Variants in METTL24 observed in about 807,000 individuals in gnomAD.
METTL24 encodes the protein methyltransferase like 24.
Under a neutral mutation model 32.7 loss-of-function variants are expected in METTL24, and 29 were observed. The ratio of observed to expected loss-of-function variants is 0.89; its 90% CI spans 0.66 to 1.21. The LOEUF is 1.21. Ranked by LOEUF, METTL24 falls within the 50% of genes most tolerant of loss-of-function variation. The pLI, the probability that METTL24 is intolerant of heterozygous loss-of-function variation, is 0.00. For synonymous variants in METTL24, 163 were observed against 179.5 expected (o/e 0.91, Z 0.73); for missense variants, 439 against 468.1 (o/e 0.94, Z 0.57).
In METTL24 at chr6:110,265,573, CAT is replaced by C. The variant is rs199510429; in HGVS notation, c.787-19315_787-19314del. Among the ~76,000 whole-genome samples the C allele has an allele frequency of 7.9e-3, 1,201 of 152,248 alleles. 15 individuals are homozygous for C. The highest frequency in any genetic ancestry group is 0.027 in the African/African-American group (1,127 of 41,538). ...AGCAATAAGATATAAGTAAAAGTGT[CAT>C]GTGGGATTTCTAGAAAGTTTCCTTA... On this transcript the variant is annotated intron_variant, in intron 4 of 4. Coordinates refer to ENST00000338882, the MANE Select transcript of METTL24 (RefSeq NM_001123364.3).
At chr6:110,260,509 G>T (rs1009633471) in intron 4 of METTL24, among the ~76,000 whole-genome samples, 1 of 152,142 alleles carries the variant, frequency 6.6e-6, no homozygotes, top group African/African-American at 2.4e-5. Flanking sequence ...TGAAAGTGAC[G>T]GGGAGAATGC....
chr6:110,271,768 T>C (rs1160502112), intron 4 of METTL24, among the ~76,000 whole-genome samples: 1 of 152,220 alleles, frequency 6.6e-6, no homozygotes, highest in Non-Finnish European at 1.5e-5. Flanking sequence ...AAAGTATTTA[T>C]TCAGTGTTAT....
chr6:110,326,627 T>C (rs1177572719), intron 1 of METTL24, among the ~76,000 whole-genome samples: 1 of 152,196 alleles, frequency 6.6e-6, no homozygotes, highest in African/African-American at 2.4e-5. Context: ...AAAAAGTCTA[T>C]TTACAAAGGT....
intron 2 of METTL24, 66 bp downstream of exon 2, chr6:110,322,705 CCTT>C (rs1771948907): frequency 3.0e-6 from 4 of 1,345,714 alleles, no homozygotes; most frequent in Middle Eastern, 1.9e-4. Flanking sequence ...TCCCCCACCT[CCTT>C]CTTTCAAAAG....
intron 4 of METTL24, among the ~76,000 whole-genome samples, chr6:110,276,467 A>G (rs965139003): frequency 6.6e-6 from 1 of 152,154 alleles, no homozygotes; most frequent in Non-Finnish European, 1.5e-5. Flanking sequence ...AAACAAACAA[A>G]AAACATTACA....
At chr6:110,334,458 G>A (rs935443182) in intron 1 of METTL24, among the ~76,000 whole-genome samples, 2 of 152,256 alleles carry the variant, frequency 1.3e-5, no homozygotes, top group African/African-American at 4.8e-5. Flanking sequence ...GCCACACGTG[G>A]CACAGGACAT....
chr6:110,286,408 T>C (rs1213161161), intron 4 of METTL24, among the ~76,000 whole-genome samples: 1 of 152,128 alleles, frequency 6.6e-6, no homozygotes, highest in Non-Finnish European at 1.5e-5. Flanking sequence ...ATCTCTGGGG[T>C]TGGTCCTGCC....
chr6:110,263,633 G>T (rs566438827), intron 4 of METTL24, among the ~76,000 whole-genome samples: 1 of 152,014 alleles, frequency 6.6e-6, no homozygotes, highest in Admixed American at 6.6e-5. Flanking sequence ...TAAAGTTCAT[G>T]TGGAACCAAA....
Position 110,263,123 on chromosome 6 carries a change from A to G in METTL24, c.787-16863T>C, listed in dbSNP as rs563980187. Among the ~76,000 whole-genome samples, 28 of 152,342 alleles carry G rather than the reference A, an allele frequency of 1.8e-4. No homozygotes were observed. In the South Asian group the frequency reaches 4.8e-3, roughly 26 times the overall value. On this transcript the variant is annotated intron_variant, in intron 4 of 4. Transcript: ENST00000338882. ...TAGTGTTGGAAGTTCTGGCCAGGGC[A>G]ATCAGGCAGGAGAAGGAAATAAAGG...
rs762158554 is a variant in METTL24, at chr6:110,245,968, C to T, written c.1079G>A (p.Trp360Ter). Reference sequence around the variant, plus strand: ...ATCCTATTTCCATCTTGTATTCACCCAACTCAGAGTATAACAGCTACTTGC... The same window carrying T: ...ATCCTATTTCCATCTTGTATTCACCTAACTCAGAGTATAACAGCTACTTGC... ...FNASSCYTLS[W>*]VNTRWK is the part of the protein sequence containing the mutation. The change falls in exon 5 of 5, where the codon TGG becomes TAG. Residue 360 changes from tryptophan to a stop codon, truncating the protein, a stop_gained. Transcript: ENST00000338882. LOFTEE classifies it high-confidence loss of function. The T allele has an allele frequency of 4.3e-6, 7 of 1,612,538 alleles. No individual in the cohort carries two copies. The highest frequency in any genetic ancestry group is 5.9e-6 in the Non-Finnish European group (7 of 1,179,212).
chr6:110,302,465 GTGTA>G (rs1771535318), intron 3 of METTL24, among the ~76,000 whole-genome samples: 1 of 83,674 alleles, frequency 1.2e-5, no homozygotes, highest in African/African-American at 6.9e-5. Flanking sequence ...ACACACATAT[GTGTA>G]TATATACACA....
At chr6:110,295,794 A>AAAAGAAAGAAAGGAAGAAAGG (rs1771403233) in intron 4 of METTL24, among the ~76,000 whole-genome samples, 12 of 136,322 alleles carry the variant, frequency 8.8e-5, no homozygotes, top group Middle Eastern at 3.7e-3. Context: ...AGAAAGAAAG[A>AAAAGAAAGAAAGGAAGAAAGG]AAGGAAGGAA....
In METTL24 at chr6:110,358,315, C is replaced by A; in HGVS notation, c.-43G>T. 7.2e-7 allele frequency: 1 copy of A among 1,381,100 alleles called. No homozygotes were observed. Among genetic ancestry groups the A allele is most frequent in the Non-Finnish European group, 9.4e-7 (1 of 1,063,292 alleles). 85.6% of individuals were successfully genotyped at this position (1,381,100 alleles called of 1,614,324 possible). A position where few individuals can be genotyped will look rare whatever the true frequency, so the allele number is the denominator to read the frequency against. ...CCCGCGGGCCGCGCCTGGCCGGCAG[C>A]AGGGATGTAGCCCCACAGGCCGGAG... is the stretch of plus-strand genomic sequence containing the variant. On this transcript the variant is annotated 5_prime_UTR_variant, in exon 1 of 5. Transcript: ENST00000338882.
intron 3 of METTL24, among the ~76,000 whole-genome samples, chr6:110,307,769 C>T (rs1771650665): frequency 6.6e-6 from 1 of 152,172 alleles, no homozygotes; most frequent in Non-Finnish European, 1.5e-5. Context: ...GTAGTTCCTG[C>T]TACAACCCAT....
At chr6:110,327,140 C>A (rs2114758349) in intron 1 of METTL24, among the ~76,000 whole-genome samples, 1 of 152,208 alleles carries the variant, frequency 6.6e-6, no homozygotes, top group Admixed American at 6.5e-5. Flanking sequence ...AGGTACAGCG[C>A]CTGAGTATTA....
chr6:110,299,285 A>G (rs1157285035), intron 3 of METTL24, 135 bp from the exon 4 acceptor site: 18 of 683,318 alleles, frequency 2.6e-5, no homozygotes, highest in Non-Finnish European at 3.9e-5. Context: ...TGGCTAATGT[A>G]CACATTCAAT....
intron 4 of METTL24, among the ~76,000 whole-genome samples, chr6:110,260,396 G>A (rs1036961990): frequency 1.6e-4 from 25 of 152,270 alleles, no homozygotes; most frequent in African/African-American, 5.1e-4. Flanking sequence ...GAAATGAAGC[G>A]AGAAGAGAAG....
intron 1 of METTL24, among the ~76,000 whole-genome samples, chr6:110,341,792 A>G (rs867101417): frequency 1.6e-4 from 24 of 152,358 alleles, no homozygotes; most frequent in Middle Eastern, 3.4e-3. Flanking sequence ...TCTTCTTGGT[A>G]GAATGGACAT....
chr6:110,292,886 C>T (rs1361117456), intron 4 of METTL24, among the ~76,000 whole-genome samples: 1 of 151,838 alleles, frequency 6.6e-6, no homozygotes, highest in African/African-American at 2.4e-5. Flanking sequence ...GAGATAGTGC[C>T]TTTATCATAT....
Sources: allele counts gnomAD v4.1 joint callset (sites outside exome capture counted in the v4.1 genomes callset), GRCh38; gene constraint gnomAD v4.1.1; transcripts MANE v1.5; gene names NCBI Gene and HGNC (gene_info 2026-07-23, HGNC 2026-07-21).